Variants in STXBP5L observed in about 807,000 individuals in gnomAD.
The protein encoded by STXBP5L is syntaxin binding protein 5L.
In STXBP5L, 65 loss-of-function variants were observed where a neutral mutation model predicts 144.5. The observed-to-expected ratio is 0.45, with a 90% CI of 0.37 to 0.55. The LOEUF is 0.55. Among genes scored for constraint, STXBP5L ranks in the 20% least tolerant of loss-of-function variants. The pLI is 0.00. For missense variants in STXBP5L, 1,298 were observed against 1,405.5 expected, an observed-to-expected ratio of 0.92 and a Z score of 1.22; for synonymous variants, 505 against 469.6, an observed-to-expected ratio of 1.08 and a Z score of -0.97.
chr3:121,073,523 G>A (rs80138096), intron 5 of STXBP5L, among the ~76,000 whole-genome samples: 13 of 152,198 alleles, frequency 8.5e-5, no homozygotes, highest in South Asian at 2.1e-4. Context: ...GAAATATGCC[G>A]TGGGCCAGTA....
At position 121,029,886 on chromosome 3, in the gene STXBP5L, T is replaced by C. The variant is rs529691251; in HGVS notation, c.288-11814T>C. The stretch of plus-strand genomic sequence containing the variant: ...GGCAAAGGATATGAACAGAGACTTC[T>C]CAAAAGAAGACATTTATGAGGCCCA... On this transcript the variant is annotated intron_variant, in intron 3 of 26. Coordinates refer to ENST00000471454, the MANE Select transcript of STXBP5L (RefSeq NM_001308330.2). Among the ~76,000 whole-genome samples, 4 of 151,624 alleles carry C rather than the reference T, an allele frequency of 2.6e-5. No individual in the cohort carries two copies. In the South Asian group the frequency reaches 8.3e-4, roughly 32 times the overall value.
At chr3:121,107,929 A>G (rs2043793538) in intron 5 of STXBP5L, among the ~76,000 whole-genome samples, 1 of 152,114 alleles carries the variant, frequency 6.6e-6, no homozygotes, top group African/African-American at 2.4e-5. Flanking sequence ...GCTCCTTGAC[A>G]TCCATTGTTA....
At chr3:121,394,607 T>G (rs1389350069) in intron 22 of STXBP5L, among the ~76,000 whole-genome samples, 7 of 141,234 alleles carry the variant, frequency 5.0e-5, no homozygotes, top group Non-Finnish European at 9.1e-5. Flanking sequence ...TGAGGGTTTT[T>G]TTTTTTTTTT....
chr3:120,940,427 T>C (rs1710507977), intron 2 of STXBP5L, among the ~76,000 whole-genome samples: 2 of 152,082 alleles, frequency 1.3e-5, no homozygotes, highest in South Asian at 4.1e-4. Context: ...AAGAGTATGA[T>C]GACGAGGCTG....
Position 121,094,492 on chromosome 3 carries a change from C to G in STXBP5L, c.471-20433C>G, listed in dbSNP as rs192010311. Reference sequence around the variant, plus strand: ...GCATATATATTTAGGATAGTTAGCTCTTCTTGTTGAATTAGTCCCTTTACC... The same window carrying G: ...GCATATATATTTAGGATAGTTAGCTGTTCTTGTTGAATTAGTCCCTTTACC... On this transcript the variant is annotated intron_variant, in intron 5 of 26. Transcript: ENST00000471454. Among the ~76,000 whole-genome samples, 5 of 152,178 alleles carry G rather than the reference C, an allele frequency of 3.3e-5. No homozygotes were observed. The East Asian group carries it at 9.6e-4, about 29-fold the overall frequency.
At chr3:121,214,061 A>G (rs2048683335) in intron 10 of STXBP5L, among the ~76,000 whole-genome samples, 2 of 152,032 alleles carry the variant, frequency 1.3e-5, no homozygotes, top group Admixed American at 1.3e-4. Context: ...TATCCCCTTT[A>G]TCACTTTTTA....
At chr3:121,343,572 A>G (rs1315352686) in intron 20 of STXBP5L, among the ~76,000 whole-genome samples, 2 of 152,040 alleles carry the variant, frequency 1.3e-5, no homozygotes, top group African/African-American at 2.4e-5. Context: ...AAATCAATGT[A>G]CAAAAATCAC....
intron 7 of STXBP5L, among the ~76,000 whole-genome samples, chr3:121,130,472 T>G (rs912965038): frequency 5.9e-5 from 9 of 152,120 alleles, no homozygotes; most frequent in African/African-American, 2.2e-4. Context: ...TTCCATCTGT[T>G]GCAAAAATGC....
intron 4 of STXBP5L, among the ~76,000 whole-genome samples, chr3:121,043,735 ATAC>A (rs1416674695): frequency 6.6e-6 from 1 of 152,124 alleles, no homozygotes; most frequent in Non-Finnish European, 1.5e-5. Flanking sequence ...CAAAAAAAGA[ATAC>A]TGAGTTCCTC....
chr3:120,982,396 G>A (rs1227825618), intron 3 of STXBP5L, among the ~76,000 whole-genome samples: 1 of 152,182 alleles, frequency 6.6e-6, no homozygotes, highest in African/African-American at 2.4e-5. Flanking sequence ...GGCAGGGAGA[G>A]CTCCTGGTGA....
intron 2 of STXBP5L, among the ~76,000 whole-genome samples, chr3:120,923,656 CTT>C (rs1323873691): frequency 6.6e-6 from 1 of 151,880 alleles, no homozygotes; most frequent in Non-Finnish European, 1.5e-5. Flanking sequence ...TGAGGATCCT[CTT>C]GTTACTGATT....
intron 3 of STXBP5L, among the ~76,000 whole-genome samples, chr3:120,961,233 C>T (rs1938765283): frequency 6.9e-6 from 1 of 144,474 alleles, no homozygotes; most frequent in African/African-American, 2.5e-5. Flanking sequence ...TCTTTGTTCA[C>T]TGAGGTCAAT....
chr3:121,341,395 T>A (rs753733738), intron 20 of STXBP5L, among the ~76,000 whole-genome samples: 3 of 152,096 alleles, frequency 2.0e-5, no homozygotes, highest in Non-Finnish European at 4.4e-5. Flanking sequence ...CTGACAAGGA[T>A]GTGTAGAAAA....
intron 12 of STXBP5L, among the ~76,000 whole-genome samples, chr3:121,237,832 T>C (rs1396639257): frequency 6.6e-6 from 1 of 152,172 alleles, no homozygotes; most frequent in Non-Finnish European, 1.5e-5. Flanking sequence ...TCTGCTACAG[T>C]GCAACAATGC....
chr3:121,259,268 A>G (rs2050309430), intron 18 of STXBP5L, 100 bp downstream of exon 18: 2 of 925,844 alleles, frequency 2.2e-6, no homozygotes, highest in Non-Finnish European at 1.4e-6. Flanking sequence ...AGAAGCCCTT[A>G]CCTGGATTTT....
chr3:121,016,240 A>T (rs533615882), intron 3 of STXBP5L, among the ~76,000 whole-genome samples: 1 of 152,352 alleles, frequency 6.6e-6, no homozygotes, highest in African/African-American at 2.4e-5. Flanking sequence ...TCATCTAAAC[A>T]GATACAGCAG....
chr3:121,155,626 C>T (rs2046087322), intron 8 of STXBP5L, among the ~76,000 whole-genome samples: 1 of 151,316 alleles, frequency 6.6e-6, no homozygotes, highest in African/African-American at 2.4e-5. Flanking sequence ...CCCTCTGAGC[C>T]CCCCTCCCTT....
intron 3 of STXBP5L, among the ~76,000 whole-genome samples, chr3:120,980,272 G>A (rs1941612804): frequency 6.6e-6 from 1 of 152,082 alleles, no homozygotes; most frequent in Admixed American, 6.5e-5. Context: ...GACTTTCTTT[G>A]TTGATTTTTC....
At chr3:121,048,960 C>T (rs1047042075) in intron 5 of STXBP5L, among the ~76,000 whole-genome samples, 2 of 152,140 alleles carry the variant, frequency 1.3e-5, no homozygotes, top group African/African-American at 2.4e-5. Context: ...CACTATATGT[C>T]CTCTCAATCC....
Sources: allele counts gnomAD v4.1 joint callset (sites outside exome capture counted in the v4.1 genomes callset), GRCh38; gene constraint gnomAD v4.1.1; transcripts MANE v1.5; gene names NCBI Gene and HGNC (gene_info 2026-07-23, HGNC 2026-07-21).